The following TAFA5 variants were observed in gnomAD, a reference collection of about 807,000 sequenced individuals.
TAFA5 encodes TAFA chemokine like family member 5.
In TAFA5, 6 loss-of-function variants were observed where a neutral mutation model predicts 15.3. That is an observed-to-expected ratio of 0.39 (90% CI 0.21 to 0.77). The LOEUF is 0.77. Ranked by LOEUF, TAFA5 falls within the 30% of genes least tolerant of loss-of-function variation. The pLI is 0.41. For missense variants in TAFA5, 161 were observed against 193.1 expected (o/e 0.83, Z 0.98); for synonymous variants, 103 against 80.7 (o/e 1.28, Z -1.48).
At chr22:48,549,241 G>A (rs1026397251) in intron 1 of TAFA5, among the ~76,000 whole-genome samples, 2 of 152,256 alleles carry the variant, frequency 1.3e-5, no homozygotes, top group Non-Finnish European at 2.9e-5. Context: ...TCTGCAGTGT[G>A]TAGACACAGA....
chr22:48,505,560 G>A (rs981668781), intron 1 of TAFA5, among the ~76,000 whole-genome samples: 4 of 152,224 alleles, frequency 2.6e-5, no homozygotes, highest in African/African-American at 7.2e-5. Context: ...GGGGGCTGTG[G>A]AGCTGCATGG....
At chr22:48,594,224 G>A (rs1345117054) in intron 1 of TAFA5, among the ~76,000 whole-genome samples, 3 of 152,200 alleles carry the variant, frequency 2.0e-5, no homozygotes, top group African/African-American at 4.8e-5. Flanking sequence ...GTGCAGGCGA[G>A]ACCCAGCGAG....
At chr22:48,718,300 T>A (rs1293370401) in intron 3 of TAFA5, among the ~76,000 whole-genome samples, 1 of 152,064 alleles carries the variant, frequency 6.6e-6, no homozygotes, top group Admixed American at 6.5e-5. Flanking sequence ...AGGCCGGGGC[T>A]GCTGGAGGAA....
At chr22:48,529,019 G>T (rs765612708) in intron 1 of TAFA5, among the ~76,000 whole-genome samples, 14 of 152,222 alleles carry the variant, frequency 9.2e-5, no homozygotes, top group Non-Finnish European at 4.4e-5. Flanking sequence ...CTGCCTGATG[G>T]GGGCTTGCCC....
chr22:48,692,568 C>G (rs1172092073), intron 2 of TAFA5, among the ~76,000 whole-genome samples: 1 of 152,180 alleles, frequency 6.6e-6, no homozygotes, highest in Admixed American at 6.5e-5. Flanking sequence ...CTGCCCTTAC[C>G]TGGTTTTTGA....
chr22:48,553,409 C>A (rs1360775824), intron 1 of TAFA5, among the ~76,000 whole-genome samples: 3 of 152,214 alleles, frequency 2.0e-5, no homozygotes, highest in Non-Finnish European at 2.9e-5. Flanking sequence ...GCGCCCGGGC[C>A]AGAGGGAATA....
intron 2 of TAFA5, among the ~76,000 whole-genome samples, chr22:48,649,174 T>A (rs1926968823): frequency 6.6e-6 from 1 of 152,190 alleles, no homozygotes; most frequent in African/African-American, 2.4e-5. Context: ...TCCGTGCAGC[T>A]CTCCTGGTCA....
At chr22:48,627,746 G>A (rs116005790) in intron 1 of TAFA5, among the ~76,000 whole-genome samples, 2,021 of 152,322 alleles carry the variant, frequency 0.013, 55 homozygotes, top group African/African-American at 0.046. Flanking sequence ...CCTGACCCAC[G>A]CCTGGGCTGA....
intron 1 of TAFA5, among the ~76,000 whole-genome samples, chr22:48,577,081 G>A (rs1274150487): frequency 6.6e-6 from 1 of 152,228 alleles, no homozygotes; most frequent in Non-Finnish European, 1.5e-5. Flanking sequence ...GCCTTCCAGA[G>A]ACCCATAGGT....
intron 1 of TAFA5, among the ~76,000 whole-genome samples, chr22:48,495,258 G>T (rs1264551322): frequency 6.6e-6 from 1 of 152,192 alleles, no homozygotes; most frequent in Non-Finnish European, 1.5e-5. Flanking sequence ...GGCTTCCAGG[G>T]TATTCATTTA....
chr22:48,751,783 GTTTC>G lies in TAFA5; in HGVS notation c.*1940_*1943del, dbSNP rs1224426995. The G allele has an allele frequency of 6.6e-6, 1 of 152,488 alleles. No homozygotes were observed. Among genetic ancestry groups the G allele is most frequent in the African/African-American group, 2.4e-5 (1 of 41,454 alleles). 9.4% of individuals were successfully genotyped at this position (152,488 alleles called of 1,614,324 possible). ...CGTCCTCACGGCCTCCCCCTCGCCT[GTTTC>G]TTTTGAAAGCAAGTGTAGACACCTT... On this transcript the variant is annotated 3_prime_UTR_variant, in exon 4 of 4. Coordinates refer to ENST00000402357, the MANE Select transcript of TAFA5 (RefSeq NM_001082967.3).
chr22:48,741,053 C>T lies in TAFA5; in HGVS notation c.391-8786C>T, dbSNP rs183595057. ...GTAGGAAGTGGAGACCCAGCGTCCC[C>T]GAGGTGCGCTCACAGCGCTGTTGTG... is the stretch of plus-strand genomic sequence containing the variant. On this transcript the variant is annotated intron_variant, in intron 3 of 3. Coordinates refer to ENST00000402357, the MANE Select transcript of TAFA5 (RefSeq NM_001082967.3). Among the ~76,000 whole-genome samples, 319 of 152,304 alleles carry T rather than the reference C, an allele frequency of 2.1e-3. 2 individuals carry two copies. Among genetic ancestry groups the T allele is most frequent in the Non-Finnish European group, 2.9e-3 (194 of 68,024 alleles).
intron 2 of TAFA5, among the ~76,000 whole-genome samples, chr22:48,705,557 C>T (rs903861560): frequency 3.3e-5 from 5 of 152,354 alleles, no homozygotes; most frequent in Middle Eastern, 3.4e-3. Flanking sequence ...CTGCCCACTG[C>T]TCCTATAGGA....
At chr22:48,616,318 A>G (rs1925603055) in intron 1 of TAFA5, among the ~76,000 whole-genome samples, 1 of 152,184 alleles carries the variant, frequency 6.6e-6, no homozygotes, top group African/African-American at 2.4e-5. Context: ...AAATTCGAGC[A>G]TTTTCTGGTC....
intron 2 of TAFA5, among the ~76,000 whole-genome samples, chr22:48,701,458 G>T (rs368767166): frequency 1.3e-5 from 2 of 152,136 alleles, no homozygotes; most frequent in Non-Finnish European, 2.9e-5. Context: ...CTGCCTGCCC[G>T]CTGGGAGTCG....
At chr22:48,537,982 TGCACGGACCTCTCTGTCACCAGC>T (rs1175429121) in intron 1 of TAFA5, among the ~76,000 whole-genome samples, 1 of 152,168 alleles carries the variant, frequency 6.6e-6, no homozygotes. Context: ...ATCCAGGCAG[TGCACGGACCTCTCTGTCACCAGC>T]GCACGGTCAG....
At chr22:48,622,157 T>C (rs1427869171) in intron 1 of TAFA5, among the ~76,000 whole-genome samples, 1 of 152,026 alleles carries the variant, frequency 6.6e-6, no homozygotes, top group Non-Finnish European at 1.5e-5. Flanking sequence ...AACCCAGGGG[T>C]ACCGGGGGCC....
At position 48,545,917 on chromosome 22, in the gene TAFA5, G is replaced by T. The variant is rs192323227; in HGVS notation, c.112+56213G>T. 8.9e-3 allele frequency among the ~76,000 whole-genome samples: 1,361 copies of T among 152,248 alleles called. 68 individuals carry two copies. The highest frequency in any genetic ancestry group is 0.079 in the Admixed American group (1,215 of 15,302). On this transcript the variant is annotated intron_variant, in intron 1 of 3. Coordinates refer to ENST00000402357, the MANE Select transcript of TAFA5 (RefSeq NM_001082967.3). ...GTGTGAGTGCTGCCTGCTATAACTT[G>T]GCTGGGTTCTGCCACCCTGGGGAAG...
chr22:48,634,776 T>C (rs200032671), intron 1 of TAFA5, among the ~76,000 whole-genome samples: 1 of 105,626 alleles, frequency 9.5e-6, no homozygotes, highest in Non-Finnish European at 2.0e-5. Flanking sequence ...CAGCCACTCA[T>C]TTAGTCACTC....
Sources: gnomAD v4.1 joint callset for allele counts (sites outside exome capture counted in the v4.1 genomes callset) on GRCh38, gnomAD v4.1.1 for gene constraint, MANE v1.5 for transcripts, NCBI Gene and HGNC (gene_info 2026-07-23, HGNC 2026-07-21) for gene names.